The following MTMR10 variants were observed in gnomAD, a reference collection of about 807,000 sequenced individuals.
MTMR10 encodes myotubularin related protein 10.
Under a neutral mutation model 88.1 loss-of-function variants are expected in MTMR10, and 56 were observed. That is an observed-to-expected ratio of 0.64 (90% CI 0.51 to 0.79). The LOEUF is 0.79. Ranked by LOEUF, MTMR10 falls within the 30% of genes least tolerant of loss-of-function variation. The pLI, the probability that MTMR10 is intolerant of heterozygous loss-of-function variation, is 0.00. For synonymous variants in MTMR10, 380 were observed against 340.9 expected, an observed-to-expected ratio of 1.11 and a Z score of -1.26; for missense variants, 883 against 924.7, an observed-to-expected ratio of 0.95 and a Z score of 0.58.
Position 30,974,441 on chromosome 15 carries a change from C to T in MTMR10, c.347G>A (p.Arg116Lys). The T allele has an allele frequency of 1.3e-6, 2 of 1,537,956 alleles. No individual in the cohort carries two copies. The highest frequency in any genetic ancestry group is 2.0e-5 in the Admixed American group (1 of 49,792). ...GTTGGGGCCTAGGACTTTCTGCTTCCTCTTGTGGTCGTTTACTAAAAAAGA... is the reference window on the plus strand; with the variant it reads ...GTTGGGGCCTAGGACTTTCTGCTTCTTCTTGTGGTCGTTTACTAAAAAAGA... ...EQIVTVNDHKRKQKVLGPNQK... is the reference protein window; with the variant it reads ...EQIVTVNDHKKKQKVLGPNQK... Residue 116 changes from arginine to lysine, a missense_variant, in exon 5 of 16, where the codon AGG (arginine) becomes AAG (lysine). Arg to Lys is a conservative substitution (Grantham distance 26). Around this residue, in one of 3 missense-constraint regions of MTMR10, gnomAD observed 414 missense variants for 423.2 expected, o/e 0.98. Transcript: ENST00000435680.
At position 30,941,992 on chromosome 15, in the gene MTMR10, C is replaced by T. The variant is rs1313204344; in HGVS notation, c.1812G>A (p.Arg604=). The T allele has an allele frequency of 6.2e-7, 1 of 1,613,976 alleles. No individual in the cohort carries two copies. Among genetic ancestry groups the T allele is most frequent in the East Asian group, 2.2e-5 (1 of 44,888 alleles). Residue 604 remains arginine (R), a synonymous_variant, in exon 16 of 16, where the codon AGG becomes AGA. Transcript: ENST00000435680. ...GIISDQELLP[R]RNSLILKPKP... The stretch of plus-strand genomic sequence containing the variant: ...TTGGTTTTAATATCAATGAATTTCT[C>T]CTTGGAAGTAATTCTTGGTCACTGA...
At chr15:30,978,461 A>T (rs1374528459) in intron 2 of MTMR10, among the ~76,000 whole-genome samples, 1 of 152,188 alleles carries the variant, frequency 6.6e-6, no homozygotes, top group Non-Finnish European at 1.5e-5. Flanking sequence ...TGTTCTAGAT[A>T]AGAGAAACTA....
chr15:30,944,003 ACT>A (rs1432764618), intron 14 of MTMR10: 4 of 984,960 alleles, frequency 4.1e-6, no homozygotes, highest in African/African-American at 1.8e-5. Flanking sequence ...ACCTTTCAGT[ACT>A]CTCCAAATTT....
At chr15:30,972,356 T>C (rs1018274773) in intron 5 of MTMR10, among the ~76,000 whole-genome samples, 6 of 152,274 alleles carry the variant, frequency 3.9e-5, no homozygotes, top group South Asian at 2.1e-4. Flanking sequence ...TATATTCTCA[T>C]TGCATCTATT....
Position 30,940,070 on chromosome 15 carries a change from A to C in MTMR10, c.*1400T>G. On this transcript the variant is annotated 3_prime_UTR_variant, in exon 16 of 16. Coordinates refer to ENST00000435680, the MANE Select transcript of MTMR10 (RefSeq NM_017762.3). ...ATCTTGAAAACACTTGTTTTAGAAA[A>C]GGAAATAAGCTAACTAGACACTTTA... is the stretch of plus-strand genomic sequence containing the variant. 1.0e-6 allele frequency: 1 copy of C among 982,726 alleles called. No homozygotes were observed. The highest frequency in any genetic ancestry group is 1.2e-6 in the Non-Finnish European group (1 of 827,450). 60.9% of individuals were successfully genotyped at this position (982,726 alleles called of 1,614,324 possible).
chr15:30,952,013 G>C lies in MTMR10; in HGVS notation c.1162C>G (p.Leu388Val). 7.4e-6 allele frequency: 12 copies of C among 1,613,846 alleles called. No individual in the cohort carries two copies. Among genetic ancestry groups the C allele is most frequent in the Non-Finnish European group, 1.0e-5 (12 of 1,179,760 alleles). Reference protein sequence around the residue: ...VRAFLKHSAELVYMLESKHLS... With the variant: ...VRAFLKHSAEVVYMLESKHLS... Reference sequence around the variant, plus strand: ...TGTTTGCTTTCTAGCATGTATACAAGTTCTGCTGAATGCTTAAGGAATGCC... The same window carrying C: ...TGTTTGCTTTCTAGCATGTATACAACTTCTGCTGAATGCTTAAGGAATGCC... The change falls in exon 12 of 16, where the codon CTT becomes GTT. Residue 388 changes from leucine to valine, a missense_variant. Coordinates refer to ENST00000435680, the MANE Select transcript of MTMR10 (RefSeq NM_017762.3).
chr15:30,958,501 A>G (rs1327596470), intron 9 of MTMR10, among the ~76,000 whole-genome samples: 1 of 152,236 alleles, frequency 6.6e-6, no homozygotes, highest in Non-Finnish European at 1.5e-5. Flanking sequence ...AGCTATTGCA[A>G]ATGTGTAGAC....
chr15:30,972,613 C>T (rs1339762737), intron 5 of MTMR10, among the ~76,000 whole-genome samples: 2 of 152,154 alleles, frequency 1.3e-5, no homozygotes, highest in Non-Finnish European at 2.9e-5. Context: ...CTCTGTTCAT[C>T]TGGAAATCAA....
chr15:30,931,190 A>G, the MTMR10 span, among the ~76,000 whole-genome samples: 1 of 152,168 alleles, frequency 6.6e-6, no homozygotes. Context: ...ATATACATCT[A>G]CTATGTACCC....
chr15:30,965,488 C>T (rs1358997495), intron 6 of MTMR10, among the ~76,000 whole-genome samples: 5 of 152,156 alleles, frequency 3.3e-5, no homozygotes, highest in Non-Finnish European at 7.4e-5. Flanking sequence ...CTTATCAATT[C>T]TATAAGAAAG....
At chr15:30,930,130 C>T in the MTMR10 span, among the ~76,000 whole-genome samples, 6 of 150,620 alleles carry the variant, frequency 4.0e-5, no homozygotes, top group Non-Finnish European at 8.8e-5. Flanking sequence ...TAGAAAAGCC[C>T]CAGCTGTGCC....
At chr15:30,952,344 C>T (rs544274222) in intron 11 of MTMR10, among the ~76,000 whole-genome samples, 1 of 152,206 alleles carries the variant, frequency 6.6e-6, no homozygotes, top group Non-Finnish European at 1.5e-5. Context: ...TATACGATTT[C>T]TCAAAGGAGT....
intron 2 of MTMR10, among the ~76,000 whole-genome samples, chr15:30,986,813 G>A (rs538542012): frequency 4.6e-5 from 7 of 152,260 alleles, no homozygotes; most frequent in South Asian, 4.2e-4. Flanking sequence ...GCCTTTCTGC[G>A]ATACAGGCAC....
chr15:30,985,124 G>A (rs938242569), intron 2 of MTMR10, among the ~76,000 whole-genome samples: 3 of 152,204 alleles, frequency 2.0e-5, no homozygotes, highest in Non-Finnish European at 4.4e-5. Context: ...GCCCTGGGGT[G>A]AGAAGAGAGC....
chr15:30,983,039 C>T (rs2030687906), intron 2 of MTMR10, among the ~76,000 whole-genome samples: 1 of 152,190 alleles, frequency 6.6e-6, no homozygotes, highest in Admixed American at 6.5e-5. Flanking sequence ...AGCTTCAAAG[C>T]TCTAGAGGTT....
At chr15:30,950,996 G>A (rs76700700) in intron 12 of MTMR10, among the ~76,000 whole-genome samples, 10 of 152,268 alleles carry the variant, frequency 6.6e-5, no homozygotes, top group Admixed American at 5.9e-4. Context: ...TGTTCATTAC[G>A]GCCAAAGCTT....
intron 5 of MTMR10, among the ~76,000 whole-genome samples, chr15:30,971,038 A>G (rs1384868427): frequency 6.6e-6 from 1 of 152,070 alleles, no homozygotes; most frequent in Non-Finnish European, 1.5e-5. Flanking sequence ...GTGTACCTGG[A>G]TTGTCTTCAT....
At chr15:30,922,851 G>A in the MTMR10 span, among the ~76,000 whole-genome samples, 6 of 152,240 alleles carry the variant, frequency 3.9e-5, no homozygotes, top group Admixed American at 3.3e-4. Flanking sequence ...ATTTGGAAGC[G>A]TTGTTTGACC....
the MTMR10 span, among the ~76,000 whole-genome samples, chr15:30,921,975 T>G: frequency 6.6e-6 from 1 of 152,142 alleles, no homozygotes; most frequent in Non-Finnish European, 1.5e-5. Context: ...CAGATAACAC[T>G]CTGCAGCACT....
Sources: allele counts gnomAD v4.1 joint callset (sites outside exome capture counted in the v4.1 genomes callset), GRCh38; gene constraint gnomAD v4.1.1; regional missense constraint gnomAD v4.1.1; transcripts MANE v1.5; gene names NCBI Gene and HGNC (gene_info 2026-07-23, HGNC 2026-07-21).